The following LRP1B variants were observed in gnomAD, a reference collection of about 807,000 sequenced individuals.
LRP1B encodes the protein LDL receptor related protein 1B.
In LRP1B, 217 loss-of-function variants were observed where a neutral mutation model predicts 556.6. That is an observed-to-expected ratio of 0.39 (90% CI 0.35 to 0.44). The LOEUF (loss-of-function observed/expected upper bound fraction) is 0.44, where lower values mean the gene tolerates loss of function less well. Ranked by LOEUF, LRP1B falls within the 20% of genes least tolerant of loss-of-function variation. The pLI is 1.00. For synonymous variants in LRP1B, 2,047 were observed against 1,865.8 expected (o/e 1.10, Z -2.50); for missense variants, 5,053 against 5,620.8 (o/e 0.90, Z 3.23).
chr2:140,762,225 G>A (rs927268202), intron 35 of LRP1B, among the ~76,000 whole-genome samples: 1 of 152,116 alleles, frequency 6.6e-6, no homozygotes, highest in Non-Finnish European at 1.5e-5. Flanking sequence ...TGCTTATGCA[G>A]TTCATGTTTG....
chr2:140,547,286 G>GTT (rs200436909), intron 43 of LRP1B, among the ~76,000 whole-genome samples: 1 of 151,604 alleles, frequency 6.6e-6, no homozygotes. Context: ...CTGGTCCTGG[G>GTT]TTTTTTTTGG....
At chr2:141,466,868 C>G (rs1297354932) in intron 3 of LRP1B, among the ~76,000 whole-genome samples, 11 of 149,548 alleles carry the variant, frequency 7.4e-5, no homozygotes, top group Non-Finnish European at 1.5e-4. Context: ...TTTTTTAATC[C>G]AGTCTTTTAA....
chr2:140,536,493 C>T (rs537641116), intron 46 of LRP1B, 88 bp downstream of exon 46: 40 of 1,289,714 alleles, frequency 3.1e-5, no homozygotes, highest in South Asian at 9.2e-5. Context: ...AAATTATCCA[C>T]GTAAACCACA....
chr2:140,864,949 A>G (rs1021629576), intron 27 of LRP1B, among the ~76,000 whole-genome samples: 2 of 152,072 alleles, frequency 1.3e-5, no homozygotes, highest in African/African-American at 4.8e-5. Flanking sequence ...TGAAGGGTAC[A>G]TCACGCAATT....
At chr2:140,801,791 C>T (rs1404359373) in intron 32 of LRP1B, among the ~76,000 whole-genome samples, 1 of 151,968 alleles carries the variant, frequency 6.6e-6, no homozygotes. Context: ...GTAGGTAATG[C>T]CACAGCAGGT....
At chr2:141,718,677 A>G (rs955297583) in intron 2 of LRP1B, among the ~76,000 whole-genome samples, 1 of 152,212 alleles carries the variant, frequency 6.6e-6, no homozygotes, top group African/African-American at 2.4e-5. Context: ...ATGGTATGAA[A>G]GGTTGAGAAA....
chr2:141,586,158 G>T (rs1362233070), intron 2 of LRP1B, among the ~76,000 whole-genome samples: 6 of 152,146 alleles, frequency 3.9e-5, no homozygotes, highest in African/African-American at 1.4e-4. Context: ...TAAATGAGAT[G>T]TTGGATATGA....
intron 7 of LRP1B, among the ~76,000 whole-genome samples, chr2:141,096,295 T>C (rs1464203238): frequency 1.3e-5 from 2 of 151,952 alleles, no homozygotes; most frequent in African/African-American, 4.8e-5. Context: ...TTTTATTAAC[T>C]GTAAATCCTC....
intron 1 of LRP1B, among the ~76,000 whole-genome samples, chr2:142,122,088 A>G (rs1707476794): frequency 1.3e-5 from 2 of 152,142 alleles, no homozygotes; most frequent in Admixed American, 1.3e-4. Context: ...GGTCATAGCT[A>G]TGTTTATCTT....
intron 10 of LRP1B, among the ~76,000 whole-genome samples, chr2:141,051,441 C>T (rs1472842552): frequency 6.6e-6 from 1 of 151,976 alleles, no homozygotes; most frequent in Non-Finnish European, 1.5e-5. Flanking sequence ...GAATACTATG[C>T]AGCCATAAAA....
At chr2:141,519,878 G>A (rs774521708) in intron 2 of LRP1B, among the ~76,000 whole-genome samples, 3 of 152,114 alleles carry the variant, frequency 2.0e-5, no homozygotes, top group African/African-American at 4.8e-5. Flanking sequence ...CTGGATGATC[G>A]TGTTGACTCA....
chr2:141,468,957 C>T (rs552209055), intron 3 of LRP1B, among the ~76,000 whole-genome samples: 21 of 152,310 alleles, frequency 1.4e-4, no homozygotes, highest in African/African-American at 4.8e-4. Context: ...TCTGCCGCTT[C>T]ATGGTTTTTT....
At chr2:140,970,714 C>CTTTT (rs571691521) in intron 18 of LRP1B, among the ~76,000 whole-genome samples, 9 of 12,250 alleles carry the variant, frequency 7.3e-4, no homozygotes, top group African/African-American at 2.1e-3. Flanking sequence ...ATTTTTTAAC[C>CTTTT]TTTTTTTTTT....
chr2:141,030,210 A>G (rs1573998231), intron 11 of LRP1B, among the ~76,000 whole-genome samples: 1 of 152,178 alleles, frequency 6.6e-6, no homozygotes, highest in Admixed American at 6.5e-5. Context: ...TCAAATATGC[A>G]GTCTCAGAAT....
intron 3 of LRP1B, among the ~76,000 whole-genome samples, chr2:141,382,203 T>C (rs529144602): frequency 6.6e-6 from 1 of 152,196 alleles, no homozygotes; most frequent in East Asian, 1.9e-4. Context: ...AACCTGAAAA[T>C]TGCCATGTGG....
chr2:140,316,973 C>T (rs1479262788), intron 82 of LRP1B, among the ~76,000 whole-genome samples: 1 of 152,064 alleles, frequency 6.6e-6, no homozygotes, highest in African/African-American at 2.4e-5. Flanking sequence ...TCTTATTCAG[C>T]ATTATCGACC....
intron 67 of LRP1B, among the ~76,000 whole-genome samples, chr2:140,382,918 A>G (rs1176395615): frequency 3.9e-5 from 6 of 152,210 alleles, no homozygotes; most frequent in African/African-American, 1.4e-4. Flanking sequence ...ATAGGCAAAT[A>G]CATACCATGG....
chr2:141,264,641 G>C (rs955759812), intron 3 of LRP1B, among the ~76,000 whole-genome samples: 1 of 152,088 alleles, frequency 6.6e-6, no homozygotes, highest in Non-Finnish European at 1.5e-5. Context: ...TTTTAGTAGA[G>C]ATGGGGTTTC....
At chr2:142,090,271 GATA>G (rs1208854711) in intron 1 of LRP1B, among the ~76,000 whole-genome samples, 1 of 152,016 alleles carries the variant, frequency 6.6e-6, no homozygotes, top group African/African-American at 2.4e-5. Flanking sequence ...AAACAATAAT[GATA>G]ATAACCAAAT....
Sources: allele counts gnomAD v4.1 joint callset (sites outside exome capture counted in the v4.1 genomes callset), GRCh38; gene constraint gnomAD v4.1.1; transcripts MANE v1.5; gene names NCBI Gene and HGNC (gene_info 2026-07-23, HGNC 2026-07-21).